The following SPTLC2 variants were observed in gnomAD, a reference collection of about 807,000 sequenced individuals.
The protein encoded by SPTLC2 is serine palmitoyltransferase long chain base subunit 2.
In SPTLC2, 21 loss-of-function variants were observed where a neutral mutation model predicts 62.0. That is an observed-to-expected ratio of 0.34 (90% CI 0.24 to 0.49). The LOEUF (loss-of-function observed/expected upper bound fraction) is 0.49. Ranked by LOEUF, SPTLC2 falls within the 20% of genes least tolerant of loss-of-function variation. SPTLC2 has a pLI of 0.99. For synonymous variants in SPTLC2, 261 were observed against 261.8 expected (o/e 1.00, Z 0.03); for missense variants, 511 against 713.0 (o/e 0.72, Z 3.23).
At chr14:77,552,258 T>C in intron 8 of SPTLC2, 36 bp from the exon 9 acceptor site, 1 of 1,612,982 alleles carries the variant, frequency 6.2e-7, no homozygotes, top group East Asian at 2.2e-5. Context: ...GTAGAGACAA[T>C]TCTTGCATTC....
intron 6 of SPTLC2, among the ~76,000 whole-genome samples, chr14:77,559,492 G>A (rs1388555559): frequency 6.6e-6 from 1 of 152,124 alleles, no homozygotes; most frequent in Admixed American, 6.5e-5. Flanking sequence ...TGAGAATGAG[G>A]AGGGTATTGT....
At chr14:77,597,443 C>T in intron 1 of SPTLC2, 63 bp from the exon 2 acceptor site, 2 of 1,486,350 alleles carry the variant, frequency 1.3e-6, no homozygotes, top group Non-Finnish European at 1.9e-6. Context: ...TACCTAAAAT[C>T]TAGGTCCTTA....
At chr14:77,571,471 T>C (rs1274516199) in intron 4 of SPTLC2, among the ~76,000 whole-genome samples, 1 of 143,962 alleles carries the variant, frequency 6.9e-6, no homozygotes, top group African/African-American at 2.6e-5. Flanking sequence ...ATCGCACCAC[T>C]GCACTCCAGC....
At chr14:77,601,132 C>T (rs924042334) in intron 1 of SPTLC2, among the ~76,000 whole-genome samples, 7 of 152,032 alleles carry the variant, frequency 4.6e-5, no homozygotes, top group Admixed American at 2.0e-4. Flanking sequence ...TTGTTTTTTA[C>T]GAGTATATAT....
chr14:77,527,089 C>T (rs1410401544), intron 9 of SPTLC2, among the ~76,000 whole-genome samples: 4 of 138,326 alleles, frequency 2.9e-5, no homozygotes, highest in Admixed American at 7.4e-5. Context: ...CCACTGCGCC[C>T]GGCCTCTTTT....
chr14:77,531,469 T>C lies in SPTLC2; in HGVS notation c.1304-9888A>G, dbSNP rs1360776998. Among the ~76,000 whole-genome samples, 6 of 105,774 alleles carry C rather than the reference T, an allele frequency of 5.7e-5. 1 individual carries two copies. Among genetic ancestry groups the C allele is most frequent in the African/African-American group, 1.7e-4 (4 of 23,656 alleles). 69.4% of individuals were successfully genotyped at this position (105,774 alleles called of 152,430 possible). Reference sequence around the variant, plus strand: ...CTCCTCCTTCTCCTCCTCCTCCTCCTCCTCCCCCTCCCCCTCCTCCTCCTC... The same window carrying C: ...CTCCTCCTTCTCCTCCTCCTCCTCCCCCTCCCCCTCCCCCTCCTCCTCCTC... On this transcript the variant is annotated intron_variant, in intron 9 of 11. Transcript: ENST00000216484.
intron 10 of SPTLC2, 131 bp from the exon 11 acceptor site, chr14:77,518,298 T>C (rs1328321760): frequency 7.6e-7 from 1 of 1,322,476 alleles, no homozygotes; most frequent in Admixed American, 2.1e-5. Context: ...GAGTTTCCTT[T>C]AACTCCTTTT....
In SPTLC2 at chr14:77,518,425, G is replaced by A. The variant is rs145514029; in HGVS notation, c.1440-258C>T. On this transcript the variant is annotated intron_variant, in intron 10 of 11. Coordinates refer to ENST00000216484, the MANE Select transcript of SPTLC2 (RefSeq NM_004863.4). ...AGCCTGGGCAACATGGTGAAATCCCGTCTCTACCAAAAATACAAAAAATTA... is the reference window on the plus strand; with the variant it reads ...AGCCTGGGCAACATGGTGAAATCCCATCTCTACCAAAAATACAAAAAATTA... 0.027 allele frequency among the ~76,000 whole-genome samples: 4,101 copies of A among 151,982 alleles called. 167 individuals carry two copies. The highest frequency in any genetic ancestry group is 0.095 in the African/African-American group (3,918 of 41,428).
Position 77,557,000 on chromosome 14 carries a change from G to A in SPTLC2, c.956+41C>T, listed in dbSNP as rs769656139. ...CAGTTAAAAAATTCTATGACTTCATGGGGCCAAGTCACAAAGGTAAGAATA... is the reference window on the plus strand; with the variant it reads ...CAGTTAAAAAATTCTATGACTTCATAGGGCCAAGTCACAAAGGTAAGAATA... On this transcript the variant is annotated intron_variant, in intron 7 of 11. Transcript: ENST00000216484. 5.2e-5 allele frequency: 81 copies of A among 1,547,188 alleles called. No individual in the cohort carries two copies. In the Admixed American group the frequency reaches 1.4e-3, roughly 26 times the overall value.
intron 6 of SPTLC2, among the ~76,000 whole-genome samples, chr14:77,558,632 T>G (rs545167213): frequency 6.6e-6 from 1 of 151,478 alleles, no homozygotes; most frequent in African/African-American, 2.4e-5. Flanking sequence ...TTTTGTTTTT[T>G]TTTTTTTGAG....
intron 5 of SPTLC2, among the ~76,000 whole-genome samples, chr14:77,562,841 G>C (rs2079622431): frequency 6.6e-6 from 1 of 152,154 alleles, no homozygotes; most frequent in Admixed American, 6.5e-5. Context: ...TGTAGTTTTA[G>C]TATCATGTTC....
intron 1 of SPTLC2, among the ~76,000 whole-genome samples, chr14:77,607,211 T>A (rs1037239296): frequency 6.6e-6 from 1 of 152,204 alleles, no homozygotes; most frequent in African/African-American, 2.4e-5. Context: ...AGCATTTCTC[T>A]TACAAATGTT....
chr14:77,531,443 T>TCTTCTTCTTCTTCTTCTTCTTCTTCTC (rs1478198521), intron 9 of SPTLC2, among the ~76,000 whole-genome samples: 11 of 130,358 alleles, frequency 8.4e-5, no homozygotes, highest in South Asian at 5.0e-4. Context: ...TTCTTCTTCT[T>TCTTCTTCTTCTTCTTCTTCTTCTTCTC]CTCCTCCTTC....
At chr14:77,552,245 T>C in intron 8 of SPTLC2, 23 bp from the exon 9 acceptor site, 1 of 1,613,704 alleles carries the variant, frequency 6.2e-7, no homozygotes, top group East Asian at 2.2e-5. Context: ...CAGAGGCAGA[T>C]AAGTAGAGAC....
At chr14:77,557,705 G>A (rs942089733) in intron 6 of SPTLC2, among the ~76,000 whole-genome samples, 7 of 152,126 alleles carry the variant, frequency 4.6e-5, no homozygotes, top group Non-Finnish European at 4.4e-5. Context: ...AAATACACCC[G>A]TCTGGGGCAT....
chr14:77,553,160 GAT>G (rs1215220222), intron 8 of SPTLC2, among the ~76,000 whole-genome samples: 3 of 152,268 alleles, frequency 2.0e-5, no homozygotes, highest in Middle Eastern at 3.4e-3. Context: ...CCTATTCTCT[GAT>G]ATCTTTTAAT....
chr14:77,588,044 C>G (rs2079792608), intron 2 of SPTLC2, among the ~76,000 whole-genome samples: 1 of 152,010 alleles, frequency 6.6e-6, no homozygotes. Context: ...AAGCTATCTC[C>G]CCACCTCAGC....
chr14:77,586,078 CTTTTT>C (rs57174185), intron 2 of SPTLC2, among the ~76,000 whole-genome samples: 2 of 137,480 alleles, frequency 1.5e-5, no homozygotes, highest in Non-Finnish European at 3.1e-5. Flanking sequence ...TTTCTTTTTT[CTTTTT>C]TTTTTTTTTT....
chr14:77,553,949 G>A (rs567606725), intron 8 of SPTLC2, among the ~76,000 whole-genome samples: 1 of 151,642 alleles, frequency 6.6e-6, no homozygotes, highest in East Asian at 2.0e-4. Flanking sequence ...CCCATAGTTG[G>A]GACTACAGGC....
Sources: allele counts gnomAD v4.1 joint callset (sites outside exome capture counted in the v4.1 genomes callset), GRCh38; gene constraint gnomAD v4.1.1; transcripts MANE v1.5; gene names NCBI Gene and HGNC (gene_info 2026-07-23, HGNC 2026-07-21).